ADAMTS6: variants seen among roughly 807,000 people sequenced by gnomAD.
ADAMTS6 encodes the protein A disintegrin and metalloproteinase with thrombospondin motifs 6.
Under a neutral mutation model 144.3 loss-of-function variants are expected in ADAMTS6, and 23 were observed. That is an observed-to-expected ratio of 0.16 (90% CI 0.11 to 0.23). The LOEUF is 0.23. Among genes scored for constraint, ADAMTS6 ranks in the 10% least tolerant of loss-of-function variants. The pLI is 1.00. For synonymous variants in ADAMTS6, 444 were observed against 457.5 expected, an observed-to-expected ratio of 0.97 and a Z score of 0.38; for missense variants, 999 against 1,379.6, an observed-to-expected ratio of 0.72 and a Z score of 4.37.
chr5:65,297,139 C>G, intron 10 of ADAMTS6: 1 of 444,268 alleles, frequency 2.3e-6, no homozygotes, highest in Admixed American at 2.5e-5. Context: ...ACATCAGAAG[C>G]TGGCATAACA....
intron 7 of ADAMTS6, among the ~76,000 whole-genome samples, chr5:65,356,179 T>C (rs767195055): frequency 9.2e-5 from 14 of 151,926 alleles, no homozygotes; most frequent in Admixed American, 4.6e-4. Flanking sequence ...ATTCAATTCA[T>C]CAATACGGTA....
At chr5:65,369,784 T>C (rs1052909572) in intron 7 of ADAMTS6, among the ~76,000 whole-genome samples, 2 of 152,194 alleles carry the variant, frequency 1.3e-5, no homozygotes, top group African/African-American at 2.4e-5. Context: ...ATCTGGCTTC[T>C]TTTTAGCCCT....
chr5:65,477,943 C>T (rs576089543), intron 1 of ADAMTS6, among the ~76,000 whole-genome samples: 3 of 152,064 alleles, frequency 2.0e-5, no homozygotes, highest in East Asian at 3.9e-4. Flanking sequence ...GCCTGGCCAA[C>T]ATTTCAAAAT....
chr5:65,167,563 G>A (rs1427108817), intron 24 of ADAMTS6, among the ~76,000 whole-genome samples: 10 of 142,996 alleles, frequency 7.0e-5, no homozygotes, highest in African/African-American at 1.0e-4. Flanking sequence ...TACCAAAGCC[G>A]GGCAGAGACA....
At chr5:65,315,287 A>C (rs1744879384) in intron 9 of ADAMTS6, among the ~76,000 whole-genome samples, 1 of 151,896 alleles carries the variant, frequency 6.6e-6, no homozygotes, top group Admixed American at 6.6e-5. Context: ...GTACACATTA[A>C]ATATATTTTG....
intron 12 of ADAMTS6, among the ~76,000 whole-genome samples, chr5:65,268,949 G>A (rs2112633555): frequency 6.6e-6 from 1 of 152,288 alleles, no homozygotes; most frequent in South Asian, 2.1e-4. Flanking sequence ...AAAACTATGA[G>A]CAGCTTTGGT....
chr5:65,238,099 T>A (rs772092128), intron 15 of ADAMTS6, among the ~76,000 whole-genome samples: 133 of 150,746 alleles, frequency 8.8e-4, no homozygotes, highest in Non-Finnish European at 2.1e-4. Flanking sequence ...AAAAAAAAAA[T>A]CTTGGTTTGA....
chr5:65,377,151 T>C (rs1751641214), intron 7 of ADAMTS6, among the ~76,000 whole-genome samples: 2 of 152,166 alleles, frequency 1.3e-5, no homozygotes, highest in African/African-American at 4.8e-5. Flanking sequence ...TTAATACAAA[T>C]ACTCAAGTGA....
chr5:65,278,072 AC>A (rs1016854548), intron 11 of ADAMTS6, among the ~76,000 whole-genome samples: 13 of 151,652 alleles, frequency 8.6e-5, no homozygotes, highest in African/African-American at 2.7e-4. Context: ...ATAAGTGAGA[AC>A]ATACAATGTT....
intron 7 of ADAMTS6, among the ~76,000 whole-genome samples, chr5:65,414,637 A>C (rs1236619979): frequency 6.6e-6 from 1 of 152,228 alleles, no homozygotes; most frequent in Non-Finnish European, 1.5e-5. Flanking sequence ...AAAGGAAAGA[A>C]GTTTTAAAGG....
chr5:65,182,213 G>T (rs1754402499), intron 22 of ADAMTS6, among the ~76,000 whole-genome samples: 1 of 152,126 alleles, frequency 6.6e-6, no homozygotes, highest in South Asian at 2.1e-4. Flanking sequence ...TTGGGAGGCT[G>T]AGGTGGGTGG....
At chr5:65,373,177 C>T (rs1209200949) in intron 7 of ADAMTS6, among the ~76,000 whole-genome samples, 4 of 148,618 alleles carry the variant, frequency 2.7e-5, no homozygotes, top group Non-Finnish European at 4.5e-5. Context: ...AATTGACACC[C>T]TAACATCACA....
At chr5:65,335,875 T>C (rs559515584) in intron 7 of ADAMTS6, among the ~76,000 whole-genome samples, 8 of 151,932 alleles carry the variant, frequency 5.3e-5, no homozygotes, top group African/African-American at 1.7e-4. Flanking sequence ...TGAATACACA[T>C]AGAAAACTAG....
intron 22 of ADAMTS6, among the ~76,000 whole-genome samples, chr5:65,176,130 G>GT (rs1753967311): frequency 6.6e-6 from 1 of 152,006 alleles, no homozygotes; most frequent in African/African-American, 2.4e-5. Context: ...AAAAAAAGGG[G>GT]GGGGCAGAAT....
chr5:65,364,926 T>C (rs1243941152), intron 7 of ADAMTS6, among the ~76,000 whole-genome samples: 2 of 152,138 alleles, frequency 1.3e-5, no homozygotes, highest in Non-Finnish European at 2.9e-5. Flanking sequence ...TCAGATCAAC[T>C]TACGAGGTTA....
At chr5:65,258,818 G>A (rs760147824) in intron 14 of ADAMTS6, among the ~76,000 whole-genome samples, 33 of 152,110 alleles carry the variant, frequency 2.2e-4, no homozygotes, top group Non-Finnish European at 4.1e-4. Flanking sequence ...AAAATGTTTT[G>A]GGGATAACAG....
intron 4 of ADAMTS6, among the ~76,000 whole-genome samples, chr5:65,458,148 T>G (rs1759366393): frequency 6.6e-6 from 1 of 152,192 alleles, no homozygotes; most frequent in Non-Finnish European, 1.5e-5. Flanking sequence ...CCAACAAACC[T>G]TTTGTTTTAA....
chr5:65,425,492 C>A (rs1756436033), intron 7 of ADAMTS6, among the ~76,000 whole-genome samples: 1 of 152,158 alleles, frequency 6.6e-6, no homozygotes, highest in African/African-American at 2.4e-5. Context: ...CAAGTTGAAA[C>A]CCAGTGTTAT....
At chr5:65,237,618 G>A (rs1165974891) in intron 15 of ADAMTS6, among the ~76,000 whole-genome samples, 1 of 151,974 alleles carries the variant, frequency 6.6e-6, no homozygotes, top group Non-Finnish European at 1.5e-5. Context: ...GAATGCATCT[G>A]ATACCAAAAC....
Sources: allele counts gnomAD v4.1 joint callset (sites outside exome capture counted in the v4.1 genomes callset), GRCh38; gene constraint gnomAD v4.1.1; transcripts MANE v1.5; gene names NCBI Gene and HGNC (gene_info 2026-07-23, HGNC 2026-07-21).